The following PLXDC2 variants were observed in gnomAD, a reference collection of about 807,000 sequenced individuals.
PLXDC2 encodes plexin domain containing 2.
A neutral mutation model predicts 68.9 loss-of-function variants in PLXDC2; 40 were observed. The observed-to-expected ratio is 0.58, with a 90% CI of 0.45 to 0.76. The LOEUF (loss-of-function observed/expected upper bound fraction) is 0.76, where lower values mean the gene tolerates loss of function less well. Ranked by LOEUF, PLXDC2 falls within the 30% of genes least tolerant of loss-of-function variation. PLXDC2 has a pLI of 0.00. For synonymous variants in PLXDC2, 243 were observed against 234.2 expected (o/e 1.04, Z -0.34); for missense variants, 644 against 661.9 (o/e 0.97, Z 0.30).
chr10:19,952,987 CCTAAGT>C (rs1328574553), intron 1 of PLXDC2, among the ~76,000 whole-genome samples: 36 of 152,254 alleles, frequency 2.4e-4, no homozygotes, highest in African/African-American at 3.4e-4. Flanking sequence ...GCCTCAGCCT[CCTAAGT>C]AGCTGGGATT....
At chr10:19,891,264 G>A (rs1227780438) in intron 1 of PLXDC2, among the ~76,000 whole-genome samples, 1 of 152,128 alleles carries the variant, frequency 6.6e-6, no homozygotes, top group East Asian at 1.9e-4. Flanking sequence ...CAATATTATA[G>A]TGGTTTGTGT....
rs973442963 is a variant in PLXDC2, at chr10:20,280,053, C to T, written c.*234C>T. On this transcript the variant is annotated 3_prime_UTR_variant, in exon 14 of 14. Transcript: ENST00000377252. ...AACATAGAATTCCCTAGTGGAATGT[C>T]ATCTATAGTTCACTCGGAACATCTC... The T allele has an allele frequency of 1.5e-5, 7 of 456,750 alleles. No individual in the cohort carries two copies. The highest frequency in any genetic ancestry group is 6.0e-5 in the African/African-American group (3 of 50,354). The allele number at this position is 456,750 out of a possible 1,614,324, so 28.3% of individuals were successfully genotyped here. A position where few individuals can be genotyped will look rare whatever the true frequency, so the allele number is the denominator to read the frequency against.
intron 6 of PLXDC2, among the ~76,000 whole-genome samples, chr10:20,155,071 T>C (rs368694847): frequency 6.6e-6 from 1 of 152,222 alleles, no homozygotes; most frequent in Non-Finnish European, 1.5e-5. Context: ...TATTTAAACC[T>C]AATGTTCCTT....
At chr10:19,888,012 T>A (rs1233047027) in intron 1 of PLXDC2, among the ~76,000 whole-genome samples, 1 of 152,186 alleles carries the variant, frequency 6.6e-6, no homozygotes, top group Non-Finnish European at 1.5e-5. Context: ...TGCTGTGTGG[T>A]CTTGTGGAGG....
intron 9 of PLXDC2, among the ~76,000 whole-genome samples, chr10:20,210,004 G>A (rs909686414): frequency 2.6e-5 from 4 of 152,050 alleles, no homozygotes; most frequent in African/African-American, 4.8e-5. Flanking sequence ...GGCTTCAGCC[G>A]GTCCCTCTGT....
At chr10:20,048,425 A>G (rs761688247) in intron 3 of PLXDC2, among the ~76,000 whole-genome samples, 13 of 152,006 alleles carry the variant, frequency 8.6e-5, no homozygotes, top group Non-Finnish European at 1.6e-4. Context: ...GCAAGATGAC[A>G]GATTTAGAAA....
chr10:20,263,973 A>G (rs1361958391), intron 13 of PLXDC2, among the ~76,000 whole-genome samples: 1 of 152,132 alleles, frequency 6.6e-6, no homozygotes, highest in African/African-American at 2.4e-5. Context: ...TATATATACC[A>G]AGAGGAATAT....
At chr10:19,859,438 G>T (rs1035232649) in intron 1 of PLXDC2, among the ~76,000 whole-genome samples, 4 of 151,774 alleles carry the variant, frequency 2.6e-5, no homozygotes, top group Non-Finnish European at 5.9e-5. Context: ...GTACCTTTTG[G>T]TGCTACATAT....
chr10:20,068,266 T>G, intron 4 of PLXDC2, 27 bp downstream of exon 4: 1 of 1,548,946 alleles, frequency 6.5e-7, no homozygotes, highest in Non-Finnish European at 8.9e-7. Flanking sequence ...CCATTCACCT[T>G]AAGTAATCTA....
rs117941363 is a variant in PLXDC2, at chr10:20,153,988, G to T, written c.783+6086G>T. ...CCATTTGGGAGCAAAGGTAAGGTTT[G>T]CCTATCCACAGCATTTATCTTATTA... is the stretch of plus-strand genomic sequence containing the variant. On this transcript the variant is annotated intron_variant, in intron 6 of 13. Coordinates refer to ENST00000377252, the MANE Select transcript of PLXDC2 (RefSeq NM_032812.9). Among the ~76,000 whole-genome samples, 1,302 of 152,090 alleles carry T rather than the reference G, an allele frequency of 8.6e-3. 8 individuals are homozygous for T. The highest frequency in any genetic ancestry group is 0.024 in the Middle Eastern group (7 of 294).
intron 1 of PLXDC2, among the ~76,000 whole-genome samples, chr10:19,973,254 A>T (rs1242460146): frequency 6.7e-6 from 1 of 149,472 alleles, no homozygotes; most frequent in African/African-American, 2.4e-5. Context: ...ATATATATGT[A>T]TATATATACT....
intron 3 of PLXDC2, among the ~76,000 whole-genome samples, chr10:20,051,611 T>A (rs1835902810): frequency 6.6e-6 from 1 of 151,888 alleles, no homozygotes; most frequent in Admixed American, 6.6e-5. Context: ...TAGTTTTTAC[T>A]TCATGATATG....
At chr10:20,257,371 T>C (rs1835754484) in intron 13 of PLXDC2, among the ~76,000 whole-genome samples, 1 of 152,190 alleles carries the variant, frequency 6.6e-6, no homozygotes, top group African/African-American at 2.4e-5. Context: ...AACTGCAAAG[T>C]GAACTAGAAG....
chr10:20,200,758 C>G (rs1374295757), intron 9 of PLXDC2, among the ~76,000 whole-genome samples: 1 of 151,882 alleles, frequency 6.6e-6, no homozygotes, highest in Admixed American at 6.6e-5. Context: ...AAATGGCCAA[C>G]AAATATAATT....
intron 3 of PLXDC2, among the ~76,000 whole-genome samples, chr10:20,063,611 T>C (rs996822530): frequency 7.3e-4 from 14 of 19,308 alleles, no homozygotes; most frequent in Admixed American, 6.5e-3. Flanking sequence ...AGCAGAGATT[T>C]AATAATTAGT....
At chr10:20,094,031 C>T (rs1833315919) in intron 4 of PLXDC2, among the ~76,000 whole-genome samples, 1 of 152,088 alleles carries the variant, frequency 6.6e-6, no homozygotes, top group Non-Finnish European at 1.5e-5. Flanking sequence ...CTTCTTACTT[C>T]CCACATTAAT....
chr10:19,854,791 G>A (rs760784783), intron 1 of PLXDC2, among the ~76,000 whole-genome samples: 11 of 152,098 alleles, frequency 7.2e-5, no homozygotes, highest in Non-Finnish European at 1.5e-4. Context: ...AGTGCCAGGG[G>A]CAAATTTCAC....
At chr10:20,201,044 G>T (rs773763414) in intron 9 of PLXDC2, among the ~76,000 whole-genome samples, 1 of 151,932 alleles carries the variant, frequency 6.6e-6, no homozygotes, top group African/African-American at 2.4e-5. Context: ...GCAAAGGAAG[G>T]GAAATCAGTA....
chr10:19,916,911 T>C (rs1833377981), intron 1 of PLXDC2, among the ~76,000 whole-genome samples: 1 of 152,172 alleles, frequency 6.6e-6, no homozygotes, highest in Admixed American at 6.5e-5. Flanking sequence ...AGAGCAGAGA[T>C]TTTTGTAGCA....
Sources: gnomAD v4.1 joint callset for allele counts (sites outside exome capture counted in the v4.1 genomes callset) on GRCh38, gnomAD v4.1.1 for gene constraint, MANE v1.5 for transcripts, NCBI Gene and HGNC (gene_info 2026-07-23, HGNC 2026-07-21) for gene names.